STAT3: variants seen among roughly 807,000 people sequenced by gnomAD.
The protein encoded by STAT3 is signal transducer and activator of transcription 3, also known as DNA-binding protein APRF.
Under a neutral mutation model 114.3 loss-of-function variants are expected in STAT3, and 7 were observed. The ratio of observed to expected loss-of-function variants is 0.06; its 90% CI spans 0.03 to 0.11. The LOEUF (loss-of-function observed/expected upper bound fraction) is 0.11, where lower values mean the gene tolerates loss of function less well. Ranked by LOEUF, STAT3 falls within the 10% of genes least tolerant of loss-of-function variation. The pLI, the probability that STAT3 is intolerant of heterozygous loss-of-function variation, is 1.00. For synonymous variants in STAT3, 331 were observed against 354.5 expected, an observed-to-expected ratio of 0.93 and a Z score of 0.74; for missense variants, 364 against 960.9, an observed-to-expected ratio of 0.38 and a Z score of 8.21.
intron 1 of STAT3, among the ~76,000 whole-genome samples, chr17:42,386,376 A>T (rs2085106634): frequency 6.6e-6 from 1 of 151,928 alleles, no homozygotes; most frequent in Non-Finnish European, 1.5e-5. Flanking sequence ...TGCGTTGGCC[A>T]AGTGTCTTGA....
chr17:42,374,413 G>A (rs1011018823), intron 1 of STAT3, among the ~76,000 whole-genome samples: 4 of 151,984 alleles, frequency 2.6e-5, no homozygotes, highest in Non-Finnish European at 5.9e-5. Context: ...TTTGAAACCA[G>A]TCTGACCAAC....
chr17:42,350,463 T>G (rs2082893176), intron 1 of STAT3, among the ~76,000 whole-genome samples: 1 of 152,166 alleles, frequency 6.6e-6, no homozygotes, highest in Admixed American at 6.5e-5. Context: ...TTAAAAAAAT[T>G]TTTGTAGAGA....
intron 21 of STAT3, among the ~76,000 whole-genome samples, chr17:42,321,599 T>A (rs1005482786): frequency 6.6e-6 from 1 of 152,164 alleles, no homozygotes; most frequent in African/African-American, 2.4e-5. Flanking sequence ...CATACTCCCA[T>A]GCAGCTAATA....
rs189203699 is a variant in STAT3, at chr17:42,367,909, T to C, written c.-23-19370A>G. ...TAGCATAGAGAAAACTGAAGTACCA[T>C]AGGAGGTTAATTCACTTCATATAAC... On this transcript the variant is annotated intron_variant, in intron 1 of 23. Transcript: ENST00000264657. 7.2e-5 allele frequency among the ~76,000 whole-genome samples: 11 copies of C among 152,316 alleles called. No individual in the cohort carries two copies. The East Asian group carries it at 9.6e-4, about 13-fold the overall frequency.
chr17:42,367,234 G>A (rs1322885120), intron 1 of STAT3, among the ~76,000 whole-genome samples: 1 of 151,970 alleles, frequency 6.6e-6, no homozygotes, highest in Non-Finnish European at 1.5e-5. Flanking sequence ...AGCTACTCGG[G>A]AGGCTGAGGC....
At chr17:42,382,050 C>T (rs1419160295) in intron 1 of STAT3, among the ~76,000 whole-genome samples, 1 of 152,134 alleles carries the variant, frequency 6.6e-6, no homozygotes, top group Non-Finnish European at 1.5e-5. Flanking sequence ...CCTGAACACA[C>T]AAGGCTGTTT....
At chr17:42,383,563 T>C (rs1341627518) in intron 1 of STAT3, among the ~76,000 whole-genome samples, 2 of 152,190 alleles carry the variant, frequency 1.3e-5, no homozygotes, top group Non-Finnish European at 2.9e-5. Context: ...CAAAGGACCA[T>C]GTGGCCATAC....
In STAT3 at chr17:42,323,038, G is replaced by A. The variant is rs117691970; in HGVS notation, c.1854C>T (p.Gly618=). 1.2e-3 allele frequency: 1,961 copies of A among 1,614,176 alleles called. 33 individuals carry two copies. The East Asian group carries it at 0.032, about 26-fold the overall frequency. Residue 618 remains glycine, a synonymous_variant, in exon 20 of 24, where the codon GGC becomes GGT. Transcript: ENST00000264657. ...CCTTCTCCACCCAAGTGAAAGTGACGCCTCCTTCTTTGCTGCTTTCACTGA... is the reference window on the plus strand; with the variant it reads ...CCTTCTCCACCCAAGTGAAAGTGACACCTCCTTCTTTGCTGCTTTCACTGA... ...LRFSESSKEG[G]VTFTWVEKDI...
rs567817356 is a variant in STAT3, at chr17:42,340,937, T to C, written c.373-1528A>G. Among the ~76,000 whole-genome samples the C allele has an allele frequency of 1.7e-4, 26 of 152,222 alleles. No individual in the cohort carries two copies. The East Asian group carries it at 3.7e-3, about 21-fold the overall frequency. On this transcript the variant is annotated intron_variant, in intron 4 of 23. Coordinates refer to ENST00000264657, the MANE Select transcript of STAT3 (RefSeq NM_139276.3). ...CCTATCCCTCTGCCTTGTTGGTCTATGGCAGCTGAAGCTCCATATGGATGG... is the reference window on the plus strand; with the variant it reads ...CCTATCCCTCTGCCTTGTTGGTCTACGGCAGCTGAAGCTCCATATGGATGG...
intron 1 of STAT3, among the ~76,000 whole-genome samples, chr17:42,370,769 A>ATTTT (rs544951035): frequency 1.5e-5 from 2 of 134,182 alleles, no homozygotes; most frequent in East Asian, 2.2e-4. Context: ...CACCCAGCTA[A>ATTTT]TTTTTTTTTT....
In STAT3 at chr17:42,344,833, G is replaced by A. The variant is rs553835969; in HGVS notation, c.372+726C>T. Among the ~76,000 whole-genome samples the A allele has an allele frequency of 9.2e-4, 139 of 151,716 alleles. 2 individuals are homozygous for A. The highest frequency in any genetic ancestry group is 2.8e-3 in the African/African-American group (115 of 41,390). Reference sequence around the variant, plus strand: ...CTCCCAAAGTGCTGGGATTACAGGCGTGAGCTACTACACCTGGCTGTTTTT... The same window carrying A: ...CTCCCAAAGTGCTGGGATTACAGGCATGAGCTACTACACCTGGCTGTTTTT... On this transcript the variant is annotated intron_variant, in intron 4 of 23. Coordinates refer to ENST00000264657, the MANE Select transcript of STAT3 (RefSeq NM_139276.3).
chr17:42,377,158 G>A (rs1394241320), intron 1 of STAT3, among the ~76,000 whole-genome samples: 1 of 152,150 alleles, frequency 6.6e-6, no homozygotes, highest in Non-Finnish European at 1.5e-5. Context: ...CTAATTTGCC[G>A]CCCAGGCAAA....
At chr17:42,357,324 C>G (rs2083275845) in intron 1 of STAT3, among the ~76,000 whole-genome samples, 1 of 152,098 alleles carries the variant, frequency 6.6e-6, no homozygotes, top group African/African-American at 2.4e-5. Context: ...GAAAAACATT[C>G]AATCTTCATA....
At chr17:42,361,606 C>G (rs1406594617) in intron 1 of STAT3, among the ~76,000 whole-genome samples, 1 of 152,082 alleles carries the variant, frequency 6.6e-6, no homozygotes, top group African/African-American at 2.4e-5. Flanking sequence ...GGGCTCAACT[C>G]TGAATACGCC....
chr17:42,329,501 A>G (rs2144769531), intron 13 of STAT3, 44 bp from the exon 14 acceptor site: 1 of 1,614,208 alleles, frequency 6.2e-7, no homozygotes, highest in Non-Finnish European at 8.5e-7. Context: ...GGCTCTCCCT[A>G]GCCCTCTCCG....
chr17:42,362,420 G>C (rs552109351), intron 1 of STAT3, among the ~76,000 whole-genome samples: 2 of 152,142 alleles, frequency 1.3e-5, no homozygotes, highest in Non-Finnish European at 2.9e-5. Flanking sequence ...CTGTGTGCTT[G>C]CCTCCAGGCC....
chr17:42,317,689 A>G (rs958303794), intron 21 of STAT3: 2 of 210,498 alleles, frequency 9.5e-6, no homozygotes, highest in Non-Finnish European at 2.0e-5. Flanking sequence ...TTTAAAGAAC[A>G]TGGAGACTGC....
chr17:42,380,062 T>C (rs563350969), intron 1 of STAT3, among the ~76,000 whole-genome samples: 1 of 152,106 alleles, frequency 6.6e-6, no homozygotes, highest in Admixed American at 6.6e-5. Flanking sequence ...TGTGACGGAG[T>C]CTTGCTCTGT....
Position 42,314,757 on chromosome 17 carries a change from G to T in STAT3, c.*988C>A. ...GGTTGCAGCTTCAGATGTCTTAAGG[G>T]TTTGACCTGAAGCCCGTTTCAGGGA... On this transcript the variant is annotated 3_prime_UTR_variant, in exon 24 of 24. Coordinates refer to ENST00000264657, the MANE Select transcript of STAT3 (RefSeq NM_139276.3). The T allele has an allele frequency of 4.6e-6, 1 of 215,146 alleles. No homozygotes were observed. Among genetic ancestry groups the T allele is most frequent in the Non-Finnish European group, 9.4e-6 (1 of 106,610 alleles). The allele number at this position is 215,146 out of a possible 1,614,324, so 13.3% of individuals were successfully genotyped here.
Sources: allele counts gnomAD v4.1 joint callset (sites outside exome capture counted in the v4.1 genomes callset), GRCh38; gene constraint gnomAD v4.1.1; transcripts MANE v1.5; gene names NCBI Gene and HGNC (gene_info 2026-07-23, HGNC 2026-07-21).